Variants in RNF216 observed in about 807,000 individuals in gnomAD.
RNF216 encodes the protein E3 ubiquitin-protein ligase RNF216.
RNF216 carries 72 observed loss-of-function variants against 110.8 expected under a neutral mutation model. The observed-to-expected ratio is 0.65, with a 90% CI of 0.54 to 0.79. The LOEUF (loss-of-function observed/expected upper bound fraction) is 0.79, where lower values mean the gene tolerates loss of function less well. Ranked by LOEUF, RNF216 falls within the 30% of genes least tolerant of loss-of-function variation. The pLI, the probability that RNF216 is intolerant of heterozygous loss-of-function variation, is 0.00. For synonymous variants in RNF216, 495 were observed against 407.5 expected (o/e 1.21, Z -2.59); for missense variants, 1,342 against 1,141.2 (o/e 1.18, Z -2.54).
intron 3 of RNF216, among the ~76,000 whole-genome samples, chr7:5,744,395 C>G (rs1794923721): frequency 1.3e-5 from 2 of 152,020 alleles, no homozygotes; most frequent in South Asian, 2.1e-4. Flanking sequence ...GTCTTCAAAA[C>G]ACATAACTGG....
intron 1 of RNF216, among the ~76,000 whole-genome samples, chr7:5,764,156 G>A (rs890603596): frequency 4.6e-5 from 7 of 151,164 alleles, no homozygotes; most frequent in Admixed American, 2.0e-4. Flanking sequence ...TCACGCCATT[G>A]CACTCCAGGT....
chr7:5,756,184 C>T (rs1795632846), intron 2 of RNF216, among the ~76,000 whole-genome samples: 1 of 152,152 alleles, frequency 6.6e-6, no homozygotes, highest in African/African-American at 2.4e-5. Context: ...TCACTCCATC[C>T]TGCCTCCTGA....
At chr7:5,701,255 A>G (rs557973440) in intron 13 of RNF216, among the ~76,000 whole-genome samples, 1 of 152,324 alleles carries the variant, frequency 6.6e-6, no homozygotes, top group South Asian at 2.1e-4. Flanking sequence ...ACCCCTTTAC[A>G]TGGCAGAACA....
chr7:5,774,722 A>AG (rs199654906), intron 1 of RNF216, among the ~76,000 whole-genome samples: 3 of 116,786 alleles, frequency 2.6e-5, no homozygotes, highest in African/African-American at 6.1e-5. Context: ...ATACAGTTCA[A>AG]GGGGGGAAAA....
chr7:5,753,235 G>T (rs1204990041), intron 2 of RNF216, among the ~76,000 whole-genome samples: 1 of 152,088 alleles, frequency 6.6e-6, no homozygotes, highest in Non-Finnish European at 1.5e-5. Context: ...TCTCATACTA[G>T]GTTGGAGAAA....
At chr7:5,749,149 ATTTT>A (rs71004700) in intron 3 of RNF216, among the ~76,000 whole-genome samples, 11 of 114,976 alleles carry the variant, frequency 9.6e-5, no homozygotes, top group East Asian at 2.6e-4. Flanking sequence ...ATGCCCATGT[ATTTT>A]TTTTTTTTTT....
chr7:5,647,553 T>TCAA (rs991905675), intron 14 of RNF216, among the ~76,000 whole-genome samples: 2 of 151,862 alleles, frequency 1.3e-5, no homozygotes, highest in African/African-American at 4.8e-5. Flanking sequence ...AGGCTGGTCT[T>TCAA]CAACTCCTGG....
chr7:5,711,491 C>T (rs1168202425), intron 13 of RNF216, among the ~76,000 whole-genome samples: 1 of 152,144 alleles, frequency 6.6e-6, no homozygotes, highest in Admixed American at 6.5e-5. Flanking sequence ...CTAAACACTT[C>T]CCACTTTACA....
At position 5,641,159 on chromosome 7, in the gene RNF216, G is replaced by C. The variant is rs747567101; in HGVS notation, c.2377C>G (p.Pro793Ala). Reference protein sequence around the residue: ...ECSRCSLWTDPTEDDEKLIEE... With the variant: ...ECSRCSLWTDATEDDEKLIEE... ...GCAGCCATGTGTCTACTTACAGTGG[G>C]ATCGGTCCAGAGAGAGCATCTTGAA... Residue 793 changes from proline (P) to alanine (A), a missense_variant, in exon 15 of 17, where the codon CCC (proline) becomes GCC (alanine). Coordinates refer to ENST00000389902, the MANE Select transcript of RNF216 (RefSeq NM_207111.4). 7 of 1,611,228 alleles carry C rather than the reference G, an allele frequency of 4.3e-6. No individual in the cohort carries two copies. The highest frequency in any genetic ancestry group is 5.9e-6 in the Non-Finnish European group (7 of 1,177,694).
At position 5,637,690 on chromosome 7, in the gene RNF216, C is replaced by G. The variant is rs1439782788; in HGVS notation, c.2382+3464G>C. Among the ~76,000 whole-genome samples the G allele has an allele frequency of 3.3e-5, 5 of 152,272 alleles. No homozygotes were observed. In the South Asian group the frequency reaches 1.0e-3, roughly 32 times the overall value. On this transcript the variant is annotated intron_variant, in intron 15 of 16. Transcript: ENST00000389902. ...AGCTGGGAACACAGGTGTGCACGCACCACCACCCCTGGATAACTTTGGGAT... is the reference window on the plus strand; with the variant it reads ...AGCTGGGAACACAGGTGTGCACGCAGCACCACCCCTGGATAACTTTGGGAT...
At chr7:5,741,845 A>G (rs1794777501) in intron 3 of RNF216, 30 bp from the exon 4 acceptor site, 1 of 1,563,928 alleles carries the variant, frequency 6.4e-7, no homozygotes, top group South Asian at 1.2e-5. Flanking sequence ...TAATAATTCA[A>G]TTTCTTTCCT....
At chr7:5,733,868 CAT>C in intron 5 of RNF216, among the ~76,000 whole-genome samples, 3 of 152,130 alleles carry the variant, frequency 2.0e-5, no homozygotes, top group Non-Finnish European at 4.4e-5. Flanking sequence ...GCAATTCACA[CAT>C]ATAAGTTGCT....
chr7:5,710,539 A>C (rs997271389), intron 13 of RNF216, among the ~76,000 whole-genome samples: 2 of 152,192 alleles, frequency 1.3e-5, no homozygotes, highest in African/African-American at 4.8e-5. Context: ...GAGGCTGTGC[A>C]GTGCTGTACA....
At chr7:5,725,574 G>C (rs1346942275) in intron 7 of RNF216, 136 bp from the exon 8 acceptor site, 2 of 630,546 alleles carry the variant, frequency 3.2e-6, no homozygotes, top group East Asian at 5.4e-5. Context: ...GTGGCAGCTG[G>C]GTGCGGTGGC....
At chr7:5,753,037 T>G in intron 2 of RNF216, 58 bp from the exon 3 acceptor site, 1 of 1,550,808 alleles carries the variant, frequency 6.4e-7, no homozygotes, top group Non-Finnish European at 8.7e-7. Context: ...ATCCAACTCT[T>G]TAAGTTTTTC....
chr7:5,689,432 G>A (rs865793014), intron 13 of RNF216, among the ~76,000 whole-genome samples: 10 of 151,000 alleles, frequency 6.6e-5, no homozygotes, highest in Admixed American at 2.0e-4. Context: ...GAGGCAGGGC[G>A]CCTAGAAACC....
intron 8 of RNF216, among the ~76,000 whole-genome samples, chr7:5,723,939 T>C (rs1793600394): frequency 6.6e-6 from 1 of 152,240 alleles, no homozygotes; most frequent in Admixed American, 6.5e-5. Context: ...GTGTAATTTC[T>C]ATCTTATACT....
Position 5,739,195 on chromosome 7 carries a change from T to C in RNF216, c.1121+81A>G, listed in dbSNP as rs1036159901. On this transcript the variant is annotated intron_variant, in intron 5 of 16. Transcript: ENST00000389902. The stretch of plus-strand genomic sequence containing the variant: ...CAACACCAAATTGTATATTTAAAAA[T>C]GATTAAAATGGTAAATTTTTTATTA... 2.9e-6 allele frequency: 4 copies of C among 1,393,372 alleles called. No individual in the cohort carries two copies. In the African/African-American group the frequency reaches 4.4e-5, roughly 15 times the overall value. The allele number at this position is 1,393,372 out of a possible 1,614,324, so 86.3% of individuals were successfully genotyped here.
Position 5,748,655 on chromosome 7 carries a change from CACAT to C in RNF216, c.201+4187_201+4190del, listed in dbSNP as rs756367213. The stretch of plus-strand genomic sequence containing the variant: ...ACACACACACACACACACACACACA[CACAT>C]AATATACTAACTAAAGCATGTTAAC... On this transcript the variant is annotated intron_variant, in intron 3 of 16. Transcript: ENST00000389902. Among the ~76,000 whole-genome samples, 177 of 132,708 alleles carry C rather than the reference CACAT, an allele frequency of 1.3e-3. 1 individual carries two copies. The highest frequency in any genetic ancestry group is 4.2e-3 in the African/African-American group (148 of 35,594). The allele number at this position is 132,708 out of a possible 152,430, so 87.1% of individuals were successfully genotyped here.
Sources: allele counts gnomAD v4.1 joint callset (sites outside exome capture counted in the v4.1 genomes callset), GRCh38; gene constraint gnomAD v4.1.1; transcripts MANE v1.5; gene names NCBI Gene and HGNC (gene_info 2026-07-23, HGNC 2026-07-21).